Variants in ROBO1 observed in about 807,000 individuals in gnomAD.
ROBO1 encodes the protein roundabout homolog 1.
ROBO1 carries 149 observed loss-of-function variants against 195.9 expected under a neutral mutation model. That is an observed-to-expected ratio of 0.76 (90% CI 0.67 to 0.87). The LOEUF (loss-of-function observed/expected upper bound fraction) is 0.87, where lower values mean the gene tolerates loss of function less well. Ranked by LOEUF, ROBO1 falls within the 40% of genes least tolerant of loss-of-function variation. The pLI, the probability that ROBO1 is intolerant of heterozygous loss-of-function variation, is 0.00. For synonymous variants in ROBO1, 816 were observed against 733.2 expected (o/e 1.11, Z -1.82); for missense variants, 1,933 against 2,068.3 (o/e 0.93, Z 1.27).
intron 28 of ROBO1, among the ~76,000 whole-genome samples, chr3:78,610,783 C>T (rs1014499042): frequency 1.3e-5 from 2 of 152,084 alleles, no homozygotes; most frequent in Non-Finnish European, 2.9e-5. Flanking sequence ...ATATATTTGT[C>T]ACTGTACCTA....
intron 3 of ROBO1, among the ~76,000 whole-genome samples, chr3:79,094,168 T>C (rs2079525803): frequency 6.6e-6 from 1 of 152,142 alleles, no homozygotes; most frequent in African/African-American, 2.4e-5. Flanking sequence ...ACAATCCTGT[T>C]ATAAGCTAAA....
chr3:78,945,804 C>T (rs1472804060), intron 3 of ROBO1, among the ~76,000 whole-genome samples: 2 of 151,918 alleles, frequency 1.3e-5, no homozygotes, highest in East Asian at 3.9e-4. Flanking sequence ...CTAGAAGAAC[C>T]AATACAGAGA....
At chr3:79,714,871 A>C in intron 1 of ROBO1, among the ~76,000 whole-genome samples, 1 of 134,922 alleles carries the variant, frequency 7.4e-6, no homozygotes, top group African/African-American at 3.0e-5. Flanking sequence ...GGGGGGAGGG[A>C]TAGCATTAGG....
intron 1 of ROBO1, among the ~76,000 whole-genome samples, chr3:79,661,508 CTTT>C (rs1314788537): frequency 1.3e-5 from 2 of 151,888 alleles, no homozygotes; most frequent in Non-Finnish European, 2.9e-5. Flanking sequence ...ATCATTTCTT[CTTT>C]TCTTTCTTTT....
intron 1 of ROBO1, among the ~76,000 whole-genome samples, chr3:79,714,856 G>A (rs576034589): frequency 2.2e-3 from 281 of 127,404 alleles, no homozygotes; most frequent in Middle Eastern, 0.017. Flanking sequence ...TGTGGGGTGG[G>A]GGGAGGGGGG....
At chr3:78,665,993 G>A (rs569143996) in intron 14 of ROBO1, among the ~76,000 whole-genome samples, 7 of 152,048 alleles carry the variant, frequency 4.6e-5, no homozygotes, top group Middle Eastern at 3.4e-3. Flanking sequence ...GGAGGGTCTC[G>A]GTAGGAGGTA....
chr3:78,954,297 T>C (rs2040933208), intron 3 of ROBO1, among the ~76,000 whole-genome samples: 1 of 152,048 alleles, frequency 6.6e-6, no homozygotes, highest in Non-Finnish European at 1.5e-5. Flanking sequence ...GTAAATGTAT[T>C]GCTTTCAAAA....
chr3:79,541,603 T>C (rs35040860), intron 2 of ROBO1, among the ~76,000 whole-genome samples: 86,781 of 151,708 alleles, frequency 0.57, 24,954 homozygotes, highest in Non-Finnish European at 0.6. Flanking sequence ...AGTTGAAAAC[T>C]CCACCATAAT....
intron 2 of ROBO1, among the ~76,000 whole-genome samples, chr3:79,279,391 A>C (rs2031326656): frequency 1.3e-5 from 2 of 152,240 alleles, no homozygotes. Context: ...AATTAACATC[A>C]CAGATCATCA....
At chr3:78,886,604 A>T (rs897919044) in intron 4 of ROBO1, among the ~76,000 whole-genome samples, 3 of 151,862 alleles carry the variant, frequency 2.0e-5, no homozygotes, top group Non-Finnish European at 4.4e-5. Context: ...AAAGAAAAAA[A>T]AAATTGTACT....
intron 1 of ROBO1, among the ~76,000 whole-genome samples, chr3:79,697,814 G>A (rs921820795): frequency 6.6e-6 from 1 of 151,228 alleles, no homozygotes; most frequent in Non-Finnish European, 1.5e-5. Flanking sequence ...TTATAAACCT[G>A]GGAAATAATT....
intron 4 of ROBO1, among the ~76,000 whole-genome samples, chr3:78,772,408 T>C (rs1206691800): frequency 6.6e-6 from 1 of 152,128 alleles, no homozygotes; most frequent in Non-Finnish European, 1.5e-5. Context: ...TCATAAAATA[T>C]GTTTCTAATT....
At chr3:79,271,087 T>A (rs2030509953) in intron 2 of ROBO1, among the ~76,000 whole-genome samples, 1 of 151,964 alleles carries the variant, frequency 6.6e-6, no homozygotes. Context: ...CTGATCAATT[T>A]TATTATTTAA....
At chr3:79,575,126 T>A (rs36117190) in intron 2 of ROBO1, among the ~76,000 whole-genome samples, 1 of 70,458 alleles carries the variant, frequency 1.4e-5, no homozygotes, top group African/African-American at 7.8e-5. Context: ...AATATATATA[T>A]AAATATATAT....
At chr3:79,073,229 G>A (rs976422637) in intron 3 of ROBO1, among the ~76,000 whole-genome samples, 11 of 151,882 alleles carry the variant, frequency 7.2e-5, no homozygotes, top group East Asian at 3.9e-4. Flanking sequence ...TATTCTTAGC[G>A]TCTCCCATTT....
At chr3:78,869,054 T>G (rs546769383) in intron 4 of ROBO1, among the ~76,000 whole-genome samples, 4 of 152,138 alleles carry the variant, frequency 2.6e-5, no homozygotes, top group African/African-American at 9.6e-5. Flanking sequence ...AATAAAAAAA[T>G]TAAATAAAAT....
chr3:79,598,258 G>A (rs1944239607), intron 1 of ROBO1, among the ~76,000 whole-genome samples: 1 of 152,016 alleles, frequency 6.6e-6, no homozygotes, highest in Non-Finnish European at 1.5e-5. Flanking sequence ...GTCTCATGTA[G>A]ACAGATACGT....
chr3:79,439,671 T>C (rs943654994), intron 2 of ROBO1, among the ~76,000 whole-genome samples: 2 of 152,128 alleles, frequency 1.3e-5, no homozygotes, highest in African/African-American at 4.8e-5. Context: ...TTCACATACA[T>C]AGTTTTCAAA....
At chr3:79,518,351 C>T (rs1372828849) in intron 2 of ROBO1, among the ~76,000 whole-genome samples, 1 of 151,964 alleles carries the variant, frequency 6.6e-6, no homozygotes, top group Non-Finnish European at 1.5e-5. Context: ...AATATGATGG[C>T]CAAGCTTATC....
Sources: gnomAD v4.1 joint callset for allele counts (sites outside exome capture counted in the v4.1 genomes callset) on GRCh38, gnomAD v4.1.1 for gene constraint, MANE v1.5 for transcripts, NCBI Gene and HGNC (gene_info 2026-07-23, HGNC 2026-07-21) for gene names.